DTX2: variants seen among roughly 807,000 people sequenced by gnomAD.
DTX2 encodes the protein deltex E3 ubiquitin ligase 2.
Under a neutral mutation model 55.3 loss-of-function variants are expected in DTX2, and 29 were observed. That is an observed-to-expected ratio of 0.52 (90% CI 0.39 to 0.71). The LOEUF (loss-of-function observed/expected upper bound fraction) is 0.71. DTX2 is among the 30% of genes least tolerant of loss of function. The pLI, the probability that DTX2 is intolerant of heterozygous loss-of-function variation, is 0.00. For missense variants in DTX2, 537 were observed against 822.5 expected, an observed-to-expected ratio of 0.65 and a Z score of 4.25; for synonymous variants, 276 against 340.4, an observed-to-expected ratio of 0.81 and a Z score of 2.08.
rs1466289326 is a variant in DTX2, at chr7:76,505,409, G to T, written c.1677G>T (p.Arg559=). Residue 559 remains arginine (R), a synonymous_variant, in exon 11 of 11, where the codon CGG becomes CGT. Transcript: ENST00000430490. The surrounding 1 kb of genome is among the most constrained non-coding windows in gnomAD (Gnocchi z 4.4). ...TCCTGAAGGTGGCCTGGAAGAGGCG[G>T]CTCATCTTCACAGTGGGCACGTCCA... ...LELLKVAWKR[R]LIFTVGTSST... 2 of 1,591,884 alleles carry T rather than the reference G, an allele frequency of 1.3e-6. No homozygotes were observed. The highest frequency in any genetic ancestry group is 1.7e-6 in the Non-Finnish European group (2 of 1,169,676).
At chr7:76,479,906 C>T (rs184990425) in intron 2 of DTX2, among the ~76,000 whole-genome samples, 9 of 150,836 alleles carry the variant, frequency 6.0e-5, no homozygotes, top group Admixed American at 3.3e-4. Context: ...TGGGCCTGTG[C>T]GGCGGTACGT....
chr7:76,476,938 C>T (rs1459451857), intron 2 of DTX2: 2 of 152,232 alleles, frequency 1.3e-5, no homozygotes, highest in African/African-American at 4.8e-5. Context: ...GCCTGTATTT[C>T]CCAGGCTGTT....
intron 4 of DTX2, among the ~76,000 whole-genome samples, chr7:76,486,768 G>C (rs1809945172): frequency 7.1e-6 from 1 of 141,718 alleles, no homozygotes; most frequent in African/African-American, 2.5e-5. Flanking sequence ...TGAAGCCTGT[G>C]GGCGTTTTGC....
At chr7:76,495,712 G>A (rs918968991) in intron 5 of DTX2, among the ~76,000 whole-genome samples, 1 of 151,432 alleles carries the variant, frequency 6.6e-6, no homozygotes, top group Admixed American at 6.6e-5. Flanking sequence ...GTGGGACCTC[G>A]TGGAACTCGT....
intron 2 of DTX2, among the ~76,000 whole-genome samples, chr7:76,474,207 TTTC>T: frequency 7.2e-6 from 1 of 138,142 alleles, no homozygotes; most frequent in Admixed American, 7.7e-5. Flanking sequence ...TTCTTTTTCT[TTTC>T]TTTCTTTCTT....
At chr7:76,493,822 A>T (rs1584220557) in intron 5 of DTX2, among the ~76,000 whole-genome samples, 2 of 107,180 alleles carry the variant, frequency 1.9e-5, no homozygotes, top group Non-Finnish European at 4.0e-5. Flanking sequence ...GTGAGGGGGG[A>T]TTGGGGGTAG....
intron 7 of DTX2, among the ~76,000 whole-genome samples, chr7:76,500,840 G>A (rs569057717): frequency 6.5e-4 from 99 of 152,188 alleles, no homozygotes; most frequent in African/African-American, 2.1e-3. Flanking sequence ...TCCACCTTGC[G>A]GATGCTGGTG....
At position 76,483,050 on chromosome 7, in the gene DTX2, C is replaced by G. The variant is rs1489270564; in HGVS notation, c.811C>G (p.Pro271Ala). Residue 271 changes from proline (P) to alanine (A), a missense_variant, in exon 4 of 11, where the codon CCT becomes GCT. This residue lies in a region of DTX2 where 301 missense variants were observed against 396.6 expected (regional missense o/e 0.76). Transcript: ENST00000430490. ...LNTTNAWGAA[P>A]PSLGSQPLYR... ...CACCACCAACGCCTGGGGCGCAGCT[C>G]CTCCTTCCCTGGGGAGCCAGCCCCT... 1.2e-6 allele frequency: 2 copies of G among 1,613,272 alleles called. No individual in the cohort carries two copies. Among genetic ancestry groups the G allele is most frequent in the African/African-American group, 2.7e-5 (2 of 74,924 alleles).
intron 6 of DTX2, chr7:76,500,031 G>A: frequency 2.6e-6 from 1 of 385,948 alleles, no homozygotes; most frequent in Non-Finnish European, 5.2e-6. Flanking sequence ...GGTAATGCAA[G>A]TTGAATCAAA....
chr7:76,467,150 T>C (rs1807273043), intron 2 of DTX2, among the ~76,000 whole-genome samples: 2 of 151,084 alleles, frequency 1.3e-5, no homozygotes, highest in East Asian at 1.9e-4. Flanking sequence ...TCACCCGCCT[T>C]GGCCTCCCAA....
At chr7:76,481,896 C>G (rs1809271657) in intron 3 of DTX2, among the ~76,000 whole-genome samples, 1 of 149,960 alleles carries the variant, frequency 6.7e-6, no homozygotes. Flanking sequence ...CTCCATTGCC[C>G]TGTGTTGCCC....
chr7:76,467,180 T>C (rs1807277423), intron 2 of DTX2, among the ~76,000 whole-genome samples: 7 of 150,866 alleles, frequency 4.6e-5, no homozygotes, highest in South Asian at 4.3e-4. Flanking sequence ...ATGATAGACA[T>C]GAGCCACCAT....
intron 2 of DTX2, chr7:76,477,053 A>G (rs1193571623): frequency 6.6e-6 from 1 of 150,992 alleles, no homozygotes; most frequent in Non-Finnish European, 1.5e-5. Flanking sequence ...GAGATGCGTG[A>G]CACCCAGGAG....
chr7:76,471,591 C>T (rs961954719), intron 2 of DTX2, among the ~76,000 whole-genome samples: 1 of 151,006 alleles, frequency 6.6e-6, no homozygotes, highest in Admixed American at 6.6e-5. Context: ...TGTAGTGGCA[C>T]GATCATAGCT....
At chr7:76,503,297 G>A (rs1811944576) in intron 8 of DTX2, 129 bp from the exon 9 acceptor site, 3 of 1,048,256 alleles carry the variant, frequency 2.9e-6, no homozygotes, top group Non-Finnish European at 4.0e-6. Context: ...TTCCGGGCAG[G>A]AGGCTGCCAG....
rs574880002 is a variant in DTX2, at chr7:76,483,695, C to T, written c.908+548C>T. On this transcript the variant is annotated intron_variant, in intron 4 of 10. Transcript: ENST00000430490. ...AGCCCAGAGTGCCTGGTAGAGCGCT[C>T]AGCTCCTTGAGAGAGAGAGAATGAT... Among the ~76,000 whole-genome samples, 12 of 151,246 alleles carry T rather than the reference C, an allele frequency of 7.9e-5. No homozygotes were observed. The South Asian group carries it at 2.5e-3, about 32-fold the overall frequency.
At chr7:76,498,228 G>T (rs1212566411) in intron 6 of DTX2, among the ~76,000 whole-genome samples, 1 of 151,254 alleles carries the variant, frequency 6.6e-6, no homozygotes, top group African/African-American at 2.4e-5. Context: ...CTTAGCAGAG[G>T]GGCTTGGCGA....
chr7:76,498,346 G>A (rs1174148056), intron 6 of DTX2, among the ~76,000 whole-genome samples: 1 of 151,332 alleles, frequency 6.6e-6, no homozygotes, highest in Non-Finnish European at 1.5e-5. Flanking sequence ...GGTGGGCCTC[G>A]AGCTCCTGCC....
Position 76,482,633 on chromosome 7 carries a change from C to G in DTX2, c.394C>G (p.Leu132Val), listed in dbSNP as rs754766592. 3 of 1,613,754 alleles carry G rather than the reference C, an allele frequency of 1.9e-6. No homozygotes were observed. Among genetic ancestry groups the G allele is most frequent in the African/African-American group, 2.7e-5 (2 of 74,894 alleles). Residue 132 changes from leucine (L) to valine (V), a missense_variant, in exon 4 of 11, where the codon CTG (leucine) becomes GTG (valine). Physicochemically the swap from Leu to Val is conservative, Grantham distance 32. This residue lies in a region of DTX2 where 301 missense variants were observed against 396.6 expected (regional missense o/e 0.76). Transcript: ENST00000430490. Reference sequence around the variant, plus strand: ...CTATGAAGCCAGCGTCTGTGACTATCTGGAGCAGCAGGTGGCCAGGGGCAA... The same window carrying G: ...CTATGAAGCCAGCGTCTGTGACTATGTGGAGCAGCAGGTGGCCAGGGGCAA... Reference protein sequence around the residue: ...TAYEASVCDYLEQQVARGNQL... With the variant: ...TAYEASVCDYVEQQVARGNQL...
Sources: allele counts gnomAD v4.1 joint callset (sites outside exome capture counted in the v4.1 genomes callset), GRCh38; gene constraint gnomAD v4.1.1; regional missense constraint gnomAD v4.1.1; non-coding constraint Gnocchi (gnomAD v3.1); transcripts MANE v1.5; gene names NCBI Gene and HGNC (gene_info 2026-07-23, HGNC 2026-07-21).